MTHFD1L: variants seen among roughly 807,000 people sequenced by gnomAD.
The protein encoded by MTHFD1L is methylenetetrahydrofolate dehydrogenase (NADP+ dependent) 1 like, also known as monofunctional C1-tetrahydrofolate synthase, mitochondrial.
In MTHFD1L, 81 loss-of-function variants were observed where a neutral mutation model predicts 119.5. The observed-to-expected ratio is 0.68, with a 90% CI of 0.57 to 0.82. MTHFD1L has a LOEUF of 0.82. Ranked by LOEUF, MTHFD1L falls within the 40% of genes least tolerant of loss-of-function variation. The probability of loss-of-function intolerance (pLI) is 0.00; values close to 1 mark genes in which losing one functional copy is unlikely to be tolerated. For missense variants in MTHFD1L, 1,125 were observed against 1,253.4 expected (o/e 0.90, Z 1.55); for synonymous variants, 430 against 475.2 (o/e 0.90, Z 1.24).
At chr6:150,936,660 G>A (rs1342029600) in intron 11 of MTHFD1L, 144 bp from the exon 12 acceptor site, 4 of 989,336 alleles carry the variant, frequency 4.0e-6, no homozygotes, top group South Asian at 1.5e-5. Flanking sequence ...TGTGATGTGA[G>A]TAGACCATAA....
chr6:150,941,767 G>A (rs1433965331), intron 13 of MTHFD1L, among the ~76,000 whole-genome samples: 3 of 152,078 alleles, frequency 2.0e-5, no homozygotes, highest in African/African-American at 7.2e-5. Context: ...GGGGTGTGGT[G>A]GAGGGTGGTA....
intron 11 of MTHFD1L, among the ~76,000 whole-genome samples, chr6:150,928,276 A>C (rs960158940): frequency 1.3e-5 from 2 of 151,784 alleles, no homozygotes; most frequent in African/African-American, 4.8e-5. Flanking sequence ...TCTACTAAAA[A>C]TACCAAAAAA....
chr6:151,062,274 A>G (rs1363072375), intron 26 of MTHFD1L, among the ~76,000 whole-genome samples: 3 of 152,144 alleles, frequency 2.0e-5, no homozygotes, highest in African/African-American at 7.2e-5. Context: ...GTCTCTACTA[A>G]AAATACAAAA....
At chr6:151,002,614 A>G (rs560110031) in intron 20 of MTHFD1L, among the ~76,000 whole-genome samples, 135 of 152,240 alleles carry the variant, frequency 8.9e-4, no homozygotes, top group African/African-American at 3.2e-3. Flanking sequence ...TTCTCCAGAG[A>G]GTGCTGGGTT....
chr6:150,895,203 G>C (rs897642770), intron 7 of MTHFD1L, among the ~76,000 whole-genome samples: 1 of 152,204 alleles, frequency 6.6e-6, no homozygotes, highest in African/African-American at 2.4e-5. Context: ...GCCTAGATTT[G>C]GAGGTAACCT....
chr6:150,915,427 C>T (rs1027365176), intron 8 of MTHFD1L, among the ~76,000 whole-genome samples: 1 of 152,118 alleles, frequency 6.6e-6, no homozygotes, highest in Non-Finnish European at 1.5e-5. Context: ...AAAATATCCA[C>T]ACTTTTGCTA....
intron 26 of MTHFD1L, among the ~76,000 whole-genome samples, chr6:151,085,155 A>T (rs1392161981): frequency 6.6e-6 from 1 of 151,542 alleles, no homozygotes; most frequent in Admixed American, 6.6e-5. Flanking sequence ...TGGAAGCAGT[A>T]TTAGAAGTGG....
At position 151,084,981 on chromosome 6, in the gene MTHFD1L, A is replaced by T. The variant is rs1311027161; in HGVS notation, c.2848-7486A>T. Among the ~76,000 whole-genome samples, 84 of 117,940 alleles carry T rather than the reference A, an allele frequency of 7.1e-4. No individual in the cohort carries two copies. The East Asian group carries it at 0.018, about 25-fold the overall frequency. 77.4% of individuals were successfully genotyped at this position (117,940 alleles called of 152,430 possible). A position where few individuals can be genotyped will look rare whatever the true frequency, so the allele number is the denominator to read the frequency against. On this transcript the variant is annotated intron_variant, in intron 26 of 27. Transcript: ENST00000367321. ...GACTCCATCTCAAAGAAAAAAAAAAAAAAATATATATATATATATATATGT... is the reference window on the plus strand; with the variant it reads ...GACTCCATCTCAAAGAAAAAAAAAATAAAATATATATATATATATATATGT...
chr6:150,990,349 C>A (rs2128442272), intron 20 of MTHFD1L, among the ~76,000 whole-genome samples: 1 of 152,106 alleles, frequency 6.6e-6, no homozygotes, highest in South Asian at 2.1e-4. Flanking sequence ...AACAAGATAA[C>A]CCTATAGCAA....
chr6:150,995,244 G>A (rs1183150149), intron 20 of MTHFD1L, among the ~76,000 whole-genome samples: 1 of 152,078 alleles, frequency 6.6e-6, no homozygotes, highest in African/African-American at 2.4e-5. Flanking sequence ...GGCCGGGCAC[G>A]GTGGCTCACG....
At chr6:151,014,261 T>C (rs1782694482) in intron 22 of MTHFD1L, among the ~76,000 whole-genome samples, 1 of 152,144 alleles carries the variant, frequency 6.6e-6, no homozygotes, top group Non-Finnish European at 1.5e-5. Flanking sequence ...ATGGATGGGA[T>C]GAAAGGATAA....
intron 20 of MTHFD1L, among the ~76,000 whole-genome samples, chr6:150,994,094 A>AAAGAAAGAAAGTAAGT (rs1482239065): frequency 1.7e-5 from 2 of 119,536 alleles, no homozygotes; most frequent in Admixed American, 8.3e-5. Context: ...AGAAAGAAAG[A>AAAGAAAGAAAGTAAGT]AAGTGACCCA....
chr6:150,972,203 C>T (rs1362048813), intron 20 of MTHFD1L, 145 bp downstream of exon 20: 8 of 707,110 alleles, frequency 1.1e-5, no homozygotes. Context: ...AATGGAAAAG[C>T]CCTAAGGTCT....
At chr6:151,023,317 G>T (rs764522115) in intron 24 of MTHFD1L, among the ~76,000 whole-genome samples, 1 of 152,054 alleles carries the variant, frequency 6.6e-6, no homozygotes, top group Non-Finnish European at 1.5e-5. Flanking sequence ...AAAGTGCCGG[G>T]ATTACAGGCA....
At chr6:150,866,861 C>G (rs1262313501) in intron 1 of MTHFD1L, among the ~76,000 whole-genome samples, 2 of 152,308 alleles carry the variant, frequency 1.3e-5, no homozygotes, top group East Asian at 3.9e-4. Flanking sequence ...GCACGGGTCT[C>G]GGGCCTTGCA....
intron 26 of MTHFD1L, among the ~76,000 whole-genome samples, chr6:151,079,809 T>C (rs889359359): frequency 4.6e-5 from 7 of 151,242 alleles, no homozygotes; most frequent in African/African-American, 1.2e-4. Flanking sequence ...TCATGTTGCA[T>C]AGTAAGCCCT....
chr6:151,015,931 A>G (rs1342504631), intron 24 of MTHFD1L, among the ~76,000 whole-genome samples: 1 of 152,122 alleles, frequency 6.6e-6, no homozygotes, highest in African/African-American at 2.4e-5. Context: ...TACTAAAAAT[A>G]CAAAAATTAG....
chr6:151,001,303 C>G (rs183775511), intron 20 of MTHFD1L, among the ~76,000 whole-genome samples: 57 of 152,284 alleles, frequency 3.7e-4, no homozygotes, highest in Non-Finnish European at 5.3e-4. Context: ...AGTGCCATAG[C>G]AAGGCAGAAG....
intron 4 of MTHFD1L, among the ~76,000 whole-genome samples, chr6:150,879,388 A>G (rs919569750): frequency 6.6e-6 from 1 of 152,026 alleles, no homozygotes; most frequent in African/African-American, 2.4e-5. Flanking sequence ...CCCGGGTTCA[A>G]GTCATTCTCC....
Sources: gnomAD v4.1 joint callset for allele counts (sites outside exome capture counted in the v4.1 genomes callset) on GRCh38, gnomAD v4.1.1 for gene constraint, MANE v1.5 for transcripts, NCBI Gene and HGNC (gene_info 2026-07-23, HGNC 2026-07-21) for gene names.